The following CENPX variants were observed in gnomAD, a reference collection of about 807,000 sequenced individuals.
The protein encoded by CENPX is centromere protein X.
A neutral mutation model predicts 13.2 loss-of-function variants in CENPX; 13 were observed. That is an observed-to-expected ratio of 0.98 (90% CI 0.64 to 1.56). The LOEUF is 1.56. Ranked by LOEUF, CENPX falls within the 40% of genes most tolerant of loss-of-function variation. CENPX has a pLI of 0.00. For missense variants in CENPX, 138 were observed against 107.5 expected (o/e 1.28, Z -1.26); for synonymous variants, 66 against 47.2 (o/e 1.40, Z -1.63).
At chr17:82,022,525 C>T (rs1359344648) in intron 1 of CENPX, 3 of 534,168 alleles carry the variant, frequency 5.6e-6, no homozygotes, top group Non-Finnish European at 9.9e-6. Flanking sequence ...GGCGGCCCAG[C>T]TCCTCCTCTC....
Position 82,018,710 on chromosome 17 carries a change from G to C in CENPX, c.*495C>G, listed in dbSNP as rs935671697. On this transcript the variant is annotated 3_prime_UTR_variant, in exon 5 of 5. Coordinates refer to ENST00000392359, the MANE Select transcript of CENPX (RefSeq NM_001271006.2). ...ATGGCAAGAAAGCCAAGCTGGGAGAGACAGTTTTGATTTATTGATGTTGCT... is the reference window on the plus strand; with the variant it reads ...ATGGCAAGAAAGCCAAGCTGGGAGACACAGTTTTGATTTATTGATGTTGCT... 6 of 241,768 alleles carry C rather than the reference G, an allele frequency of 2.5e-5. No homozygotes were observed. Among genetic ancestry groups the C allele is most frequent in the Admixed American group, 5.6e-5 (1 of 17,990 alleles). The allele number at this position is 241,768 out of a possible 1,614,324, so 15.0% of individuals were successfully genotyped here. A position where few individuals can be genotyped will look rare whatever the true frequency, so the allele number is the denominator to read the frequency against.
At chr17:82,019,831 A>ACCAACC in intron 2 of CENPX, 27 bp downstream of exon 2, 12 of 1,559,282 alleles carry the variant, frequency 7.7e-6, no homozygotes, top group Non-Finnish European at 9.7e-6. Context: ...ACGGGGACCC[A>ACCAACC]CCTCCCGCCC....
chr17:82,019,415 G>A, intron 3 of CENPX, 34 bp from the exon 4 acceptor site: 1 of 1,531,186 alleles, frequency 6.5e-7, no homozygotes, highest in Non-Finnish European at 8.8e-7. Flanking sequence ...GGGGGATGCT[G>A]GGGGGATCTT....
At chr17:82,021,099 G>A (rs1450769269) in intron 1 of CENPX, among the ~76,000 whole-genome samples, 1 of 152,232 alleles carries the variant, frequency 6.6e-6, no homozygotes, top group African/African-American at 2.4e-5. Context: ...ACCAGCATCG[G>A]CCACAGGGAG....
At chr17:82,021,447 C>A (rs1438753512) in intron 1 of CENPX, among the ~76,000 whole-genome samples, 1 of 152,272 alleles carries the variant, frequency 6.6e-6, no homozygotes, top group African/African-American at 2.4e-5. Flanking sequence ...GAAGACCACG[C>A]CAGAGAGTGG....
At chr17:82,019,442 A>G in intron 3 of CENPX, 61 bp from the exon 4 acceptor site, 1 of 1,518,776 alleles carries the variant, frequency 6.6e-7, no homozygotes, top group South Asian at 1.2e-5. Context: ...GAGCCCAGTG[A>G]GGGCCTCAGC....
At chr17:82,021,271 C>G (rs898759632) in intron 1 of CENPX, among the ~76,000 whole-genome samples, 1 of 152,214 alleles carries the variant, frequency 6.6e-6, no homozygotes, top group East Asian at 1.9e-4. Flanking sequence ...CCTTGCTGTT[C>G]CCTAGCCAGG....
At chr17:82,021,318 G>T (rs2043277737) in intron 1 of CENPX, among the ~76,000 whole-genome samples, 1 of 152,216 alleles carries the variant, frequency 6.6e-6, no homozygotes, top group African/African-American at 2.4e-5. Context: ...AGTGCCACCT[G>T]CTGGTCCTTC....
At chr17:82,022,085 G>A (rs1463536807) in intron 1 of CENPX, among the ~76,000 whole-genome samples, 1 of 152,214 alleles carries the variant, frequency 6.6e-6, no homozygotes, top group African/African-American at 2.4e-5. Flanking sequence ...CCAACCTTCA[G>A]GTAGAGCAGT....
intron 1 of CENPX, among the ~76,000 whole-genome samples, chr17:82,021,380 G>A (rs1429600784): frequency 2.0e-5 from 3 of 152,228 alleles, no homozygotes; most frequent in Non-Finnish European, 4.4e-5. Context: ...GGTAGAGAAG[G>A]CACTATCTCC....
At position 82,018,888 on chromosome 17, in the gene CENPX, G is replaced by C. The variant is rs2043218289; in HGVS notation, c.*317C>G. 1 of 379,960 alleles carries C rather than the reference G, an allele frequency of 2.6e-6. No individual in the cohort carries two copies. The highest frequency in any genetic ancestry group is 2.1e-5 in the African/African-American group (1 of 48,344). 23.5% of individuals were successfully genotyped at this position (379,960 alleles called of 1,614,324 possible). On this transcript the variant is annotated 3_prime_UTR_variant, in exon 5 of 5. Coordinates refer to ENST00000392359, the MANE Select transcript of CENPX (RefSeq NM_001271006.2). ...TGTTTGTCAAACACACAGGCTACCTGCTGGCCAGGCCTTTCCCAGCACCTG... is the reference window on the plus strand; with the variant it reads ...TGTTTGTCAAACACACAGGCTACCTCCTGGCCAGGCCTTTCCCAGCACCTG...
In CENPX at chr17:82,019,882, G is replaced by A. The variant is rs201845249; in HGVS notation, c.64C>T (p.His22Tyr). Residue 22 changes from histidine to tyrosine, a missense_variant, in exon 2 of 5, where the codon CAC becomes TAC. By Grantham distance (83) the His-to-Tyr change is moderately conservative. Transcript: ENST00000392359. ...KELVSRLLHL[H>Y]FKDDKTKVSG... ...CCTTTGGTCTTGTCATCCTTGAAGT[G>A]CAGGTGCAGCAGCCTGCTCACCAGC... The A allele has an allele frequency of 1.1e-5, 18 of 1,590,446 alleles. No individual in the cohort carries two copies. The Admixed American group carries it at 1.7e-4, about 15-fold the overall frequency.
At chr17:82,019,935 C>G (rs762980240) in intron 1 of CENPX, 26 bp from the exon 2 acceptor site, 1 of 1,547,370 alleles carries the variant, frequency 6.5e-7, no homozygotes. Flanking sequence ...GTGTCAGCGC[C>G]ACGCCCCGCC....
At chr17:82,021,387 C>A (rs1019700095) in intron 1 of CENPX, among the ~76,000 whole-genome samples, 7 of 152,248 alleles carry the variant, frequency 4.6e-5, no homozygotes, top group African/African-American at 2.4e-5. Context: ...AAGGCACTAT[C>A]TCCCCACCTG....
In CENPX at chr17:82,019,490, C is replaced by T. The variant is rs913379380; in HGVS notation, c.143-109G>A. 3 of 1,513,764 alleles carry T rather than the reference C, an allele frequency of 2.0e-6. No homozygotes were observed. The African/African-American group carries it at 4.1e-5, about 21-fold the overall frequency. 93.8% of individuals were successfully genotyped at this position (1,513,764 alleles called of 1,614,324 possible). The stretch of plus-strand genomic sequence containing the variant: ...CCCCCCCAACACCCACGGGCAGCCC[C>T]CAGAACCAGGCCACAGCACCTGACA... On this transcript the variant is annotated intron_variant, in intron 3 of 4. Coordinates refer to ENST00000392359, the MANE Select transcript of CENPX (RefSeq NM_001271006.2).
chr17:82,021,097 C>T lies in CENPX; in HGVS notation c.37-1188G>A, dbSNP rs562482939. 1.6e-4 allele frequency among the ~76,000 whole-genome samples: 25 copies of T among 152,350 alleles called. No individual in the cohort carries two copies. In the South Asian group the frequency reaches 5.2e-3, roughly 32 times the overall value. On this transcript the variant is annotated intron_variant, in intron 1 of 4. Coordinates refer to ENST00000392359, the MANE Select transcript of CENPX (RefSeq NM_001271006.2). ...GAACTACCAGCCAGGCCACCAGCAT[C>T]GGCCACAGGGAGGTCACAGCACCTC...
At position 82,019,203 on chromosome 17, in the gene CENPX, C is replaced by T. The variant is rs1437726064; in HGVS notation, c.*2G>A. ...GGGTGGCCTCAGCCACGGCTGAGAT[C>T]CCTAGAAGTCCAGGAGCTGTGGGGA... On this transcript the variant is annotated 3_prime_UTR_variant, in exon 5 of 5. Transcript: ENST00000392359. 1.3e-6 allele frequency: 2 copies of T among 1,577,910 alleles called. No individual in the cohort carries two copies. Among genetic ancestry groups the T allele is most frequent in the Admixed American group, 1.7e-5 (1 of 57,622 alleles).
chr17:82,022,674 G>C, intron 1 of CENPX, 152 bp downstream of exon 1: 1 of 898,838 alleles, frequency 1.1e-6, no homozygotes, highest in Non-Finnish European at 1.7e-6. Flanking sequence ...GGCGCGGGGC[G>C]CGCGGCCCGG....
chr17:82,019,907 C>G lies in CENPX; in HGVS notation c.39G>C (p.Glu13Asp). Residue 13 changes from glutamate to aspartate, a missense_variant and splice_region_variant, in exon 2 of 5, where the codon GAG becomes GAC. Physicochemically the swap from Glu to Asp is conservative, Grantham distance 45. Coordinates refer to ENST00000392359, the MANE Select transcript of CENPX (RefSeq NM_001271006.2). The stretch of plus-strand genomic sequence containing the variant: ...GCAGGTGCAGCAGCCTGCTCACCAG[C>G]TCCTAGAAGGGAGGGGGGTGTCAGC... ...GAGAGSGFRK[E>D]LVSRLLHLHF... 1 of 1,591,000 alleles carries G rather than the reference C, an allele frequency of 6.3e-7. No individual in the cohort carries two copies. The highest frequency in any genetic ancestry group is 8.6e-7 in the Non-Finnish European group (1 of 1,164,658).
Sources: allele counts gnomAD v4.1 joint callset (sites outside exome capture counted in the v4.1 genomes callset), GRCh38; gene constraint gnomAD v4.1.1; transcripts MANE v1.5; gene names NCBI Gene and HGNC (gene_info 2026-07-23, HGNC 2026-07-21).